Variants in RPUSD1 observed in about 807,000 individuals in gnomAD.
The protein encoded by RPUSD1 is RNA pseudouridine synthase domain containing 1, also known as pseudouridylate synthase RPUSD1.
RPUSD1 carries 28 observed loss-of-function variants against 22.4 expected under a neutral mutation model. The observed-to-expected ratio is 1.25, with a 90% CI of 0.93 to 1.72. RPUSD1 has a LOEUF of 1.72. RPUSD1 is among the 40% of genes most tolerant of loss of function. The pLI, the probability that RPUSD1 is intolerant of heterozygous loss-of-function variation, is 0.00. For synonymous variants in RPUSD1, 298 were observed against 201.0 expected (o/e 1.48, Z -4.08); for missense variants, 596 against 442.2 (o/e 1.35, Z -3.12).
At position 785,929 on chromosome 16, in the gene RPUSD1, C is replaced by G; in HGVS notation, c.*21G>C. On this transcript the variant is annotated 3_prime_UTR_variant, in exon 6 of 6. Coordinates refer to ENST00000007264, the MANE Select transcript of RPUSD1 (RefSeq NM_058192.3). ...GAGTCCCGCTGTGCAGCTGACACCC[C>G]CTGCCCCAGCCCCACGGCTCTCAGC... The G allele has an allele frequency of 2.1e-6, 3 of 1,428,142 alleles. No individual in the cohort carries two copies. The South Asian group carries it at 4.5e-5, about 22-fold the overall frequency. The allele number at this position is 1,428,142 out of a possible 1,614,324, so 88.5% of individuals were successfully genotyped here. A position where few individuals can be genotyped will look rare whatever the true frequency, so the allele number is the denominator to read the frequency against.
chr16:786,294 G>T lies in RPUSD1; in HGVS notation c.595C>A (p.Arg199=). The change falls in exon 6 of 6, where the codon CGG becomes AGG. Residue 199 remains arginine, a synonymous_variant. Transcript: ENST00000007264. ...ATCATTCTGAACGGCCGGTCCTCCC[G>T]GCCCGAGACTTCTCCGTAGGTCAGG... ...GDLTYGEVSG[R]EDRPFRMMLH... 3 of 1,612,738 alleles carry T rather than the reference G, an allele frequency of 1.9e-6. No individual in the cohort carries two copies. The South Asian group carries it at 3.3e-5, about 18-fold the overall frequency.
At chr16:786,766 G>A (rs755599266) in intron 5 of RPUSD1, 61 bp downstream of exon 5, 54 of 1,380,172 alleles carry the variant, frequency 3.9e-5, no homozygotes, top group South Asian at 2.0e-4. Context: ...CATAAGCTTC[G>A]TGGCCCTGTG....
In RPUSD1 at chr16:787,178, A is replaced by G. The variant is rs763656788; in HGVS notation, c.308T>C (p.Leu103Pro). 1.4e-5 allele frequency: 22 copies of G among 1,601,770 alleles called. No homozygotes were observed. Among genetic ancestry groups the G allele is most frequent in the Non-Finnish European group, 1.8e-5 (21 of 1,177,712 alleles). ...RRVTKAYLAL[L>P]RGHIQESRVT... ...CCGGCTCTCCTGGATGTGCCCCCGC[A>G]GCTGCAGGAGAGGGAGAATCGCACG... Residue 103 changes from leucine to proline, a missense_variant and splice_region_variant, in exon 4 of 6, where the codon CTG becomes CCG. Transcript: ENST00000007264.
Position 786,924 on chromosome 16 carries a change from A to G in RPUSD1, c.414T>C (p.Cys138=). ...HTMCIEGSQG[C]ENPKPSLTDL... is the part of the protein sequence containing the mutation. ...CTGTGAGGCTTGGCTTTGGGTTCTC[A>G]CAACCTGGGGCGCAGAAGGCAGGTG... Residue 138 remains cysteine (C), a synonymous_variant, in exon 5 of 6, where the codon TGT becomes TGC. Transcript: ENST00000007264. 1 of 1,612,706 alleles carries G rather than the reference A, an allele frequency of 6.2e-7. No individual in the cohort carries two copies.
chr16:787,887 CTCAGTCCCCGAGA>C (rs2042010404), intron 1 of RPUSD1, 143 bp from the exon 2 acceptor site: 2 of 752,272 alleles, frequency 2.7e-6, no homozygotes, highest in East Asian at 2.7e-5. Flanking sequence ...CACCTGCATC[CTCAGTCCCCGAGA>C]TCAGTCCCCA....
Position 786,845 on chromosome 16 carries a change from G to C in RPUSD1, c.493C>G (p.Leu165Val). The change falls in exon 5 of 6, where the codon CTG becomes GTG. Residue 165 changes from leucine to valine, a missense_variant. Leu to Val is a conservative substitution (Grantham distance 32, BLOSUM62 1). Coordinates refer to ENST00000007264, the MANE Select transcript of RPUSD1 (RefSeq NM_058192.3). ...LYAGDPVSKV[L>V]LKPLTGRTHQ... ...GACACACCCGTGAGCGGCTTCAGCA[G>C]CACTTTGGAGACAGGATCGCCTGCG... is the stretch of plus-strand genomic sequence containing the variant. 1.2e-6 allele frequency: 2 copies of C among 1,613,062 alleles called. No homozygotes were observed. Among genetic ancestry groups the C allele is most frequent in the Non-Finnish European group, 1.7e-6 (2 of 1,179,834 alleles).
Position 786,833 on chromosome 16 carries a change from G to A in RPUSD1, c.505C>T (p.Leu169Phe). 6.2e-7 allele frequency: 1 copy of A among 1,612,730 alleles called. No homozygotes were observed. The highest frequency in any genetic ancestry group is 8.5e-7 in the Non-Finnish European group (1 of 1,179,566). ...CCGCCCACCCCAGACACACCCGTGAGCGGCTTCAGCAGCACTTTGGAGACA... is the reference window on the plus strand; with the variant it reads ...CCGCCCACCCCAGACACACCCGTGAACGGCTTCAGCAGCACTTTGGAGACA... The part of the protein sequence containing the change: ...DPVSKVLLKP[L>F]TGRTHQLRVH... Residue 169 changes from leucine (L) to phenylalanine (F), a missense_variant, in exon 5 of 6, where the codon CTC (leucine) becomes TTC (phenylalanine). By Grantham distance (22) the Leu-to-Phe change is conservative (BLOSUM62 0). Transcript: ENST00000007264.
rs1293106093 is a variant in RPUSD1, at chr16:786,945, AG to A, written c.410-18del. ...TCTCACAACCTGGGGCGCAGAAGGCAGGTGTGAGGTTAGTGGGACTGACCCG... is the reference window on the plus strand; with the variant it reads ...TCTCACAACCTGGGGCGCAGAAGGCAGTGTGAGGTTAGTGGGACTGACCCG... On this transcript the variant is annotated intron_variant, in intron 4 of 5. Transcript: ENST00000007264. The A allele has an allele frequency of 3.1e-6, 5 of 1,610,308 alleles. No homozygotes were observed. The East Asian group carries it at 1.1e-4, about 36-fold the overall frequency.
intron 5 of RPUSD1, 80 bp downstream of exon 5, chr16:786,747 G>T: frequency 8.7e-7 from 1 of 1,145,322 alleles, no homozygotes; most frequent in Non-Finnish European, 1.3e-6. Flanking sequence ...GATGCTCAGG[G>T]TGGCCCAACA....
At chr16:786,608 G>A (rs533278300) in intron 5 of RPUSD1, 6 of 737,042 alleles carry the variant, frequency 8.1e-6, no homozygotes, top group Admixed American at 4.0e-5. Context: ...CGGTCCTGGA[G>A]AATCTAGGCC....
Position 787,622 on chromosome 16 carries a change from G to A in RPUSD1, c.116C>T (p.Thr39Ile), listed in dbSNP as rs764397688. 6 of 1,611,902 alleles carry A rather than the reference G, an allele frequency of 3.7e-6. No homozygotes were observed. The Admixed American group carries it at 5.0e-5, about 13-fold the overall frequency. Residue 39 changes from threonine (T) to isoleucine (I), a missense_variant, in exon 2 of 6, where the codon ACC becomes ATC. Physicochemically the swap from Thr to Ile is moderately conservative, Grantham distance 89. Transcript: ENST00000007264. ...GCGGTACCGCAGCTGCTTCTGCAGG[G>A]TCAGAGTCTCCCGCCACGCCTTGCT... ...IDSKAWRETL[T>I]LQKQLRYRFP...
In RPUSD1 at chr16:786,030, T is replaced by G. The variant is rs759669679; in HGVS notation, c.859A>C (p.Thr287Pro). 6.7e-7 allele frequency: 1 copy of G among 1,499,932 alleles called. No individual in the cohort carries two copies. The highest frequency in any genetic ancestry group is 2.3e-5 in the East Asian group (1 of 42,790). The allele number at this position is 1,499,932 out of a possible 1,614,324, so 92.9% of individuals were successfully genotyped here. Residue 287 changes from threonine (T) to proline (P), a missense_variant, in exon 6 of 6, where the codon ACC (threonine) becomes CCC (proline). Physicochemically the swap from Thr to Pro is conservative, Grantham distance 38. Transcript: ENST00000007264. ...PGPGRPPPPP[T>P]KPPETEAQRG... ...TGTGCCTCAGTCTCAGGGGGCTTGG[T>G]TGGGGGTGGAGGAGGCCGGCCGGGC...
intron 4 of RPUSD1, 48 bp from the exon 5 acceptor site, chr16:786,976 C>T: frequency 2.6e-6 from 4 of 1,567,096 alleles, no homozygotes; most frequent in Non-Finnish European, 3.5e-6. Flanking sequence ...GACCCGGGGC[C>T]CAGGCCCACC....
In RPUSD1 at chr16:787,175, C is replaced by T. The variant is rs140807959; in HGVS notation, c.311G>A (p.Arg104Gln). 381 of 1,603,062 alleles carry T rather than the reference C, an allele frequency of 2.4e-4. No homozygotes were observed. The highest frequency in any genetic ancestry group is 8.5e-4 in the Admixed American group (51 of 59,772). The part of the protein sequence containing the change: ...RVTKAYLALL[R>Q]GHIQESRVTI... ...TACCCGGCTCTCCTGGATGTGCCCCCGCAGCTGCAGGAGAGGGAGAATCGC... is the reference window on the plus strand; with the variant it reads ...TACCCGGCTCTCCTGGATGTGCCCCTGCAGCTGCAGGAGAGGGAGAATCGC... The change falls in exon 4 of 6, where the codon CGG (arginine) becomes CAG (glutamine). Residue 104 changes from arginine (R) to glutamine (Q), a missense_variant. Arg to Gln is a conservative substitution (Grantham distance 43). Coordinates refer to ENST00000007264, the MANE Select transcript of RPUSD1 (RefSeq NM_058192.3).
At chr16:786,651 G>A (rs896748343) in intron 5 of RPUSD1, 176 bp downstream of exon 5, 16 of 743,118 alleles carry the variant, frequency 2.2e-5, no homozygotes, top group Non-Finnish European at 3.1e-5. Flanking sequence ...TCAGGAGCCA[G>A]CAGGGACCCT....
intron 1 of RPUSD1, 38 bp downstream of exon 1, chr16:788,218 C>A: frequency 2.5e-6 from 1 of 395,358 alleles, no homozygotes; most frequent in Non-Finnish European, 4.9e-6. Flanking sequence ...ACCCTGGCTC[C>A]GAGCCCCTCC....
In RPUSD1 at chr16:787,165, G is replaced by A. The variant is rs147258661; in HGVS notation, c.321C>T (p.Ile107=). The A allele has an allele frequency of 2.5e-6, 4 of 1,605,544 alleles. No individual in the cohort carries two copies. Among genetic ancestry groups the A allele is most frequent in the Non-Finnish European group, 2.5e-6 (3 of 1,179,080 alleles). ...KAYLALLRGH[I]QESRVTISHA... Reference sequence around the variant, plus strand: ...GGCTGATGGTTACCCGGCTCTCCTGGATGTGCCCCCGCAGCTGCAGGAGAG... The same window carrying A: ...GGCTGATGGTTACCCGGCTCTCCTGAATGTGCCCCCGCAGCTGCAGGAGAG... The change falls in exon 4 of 6, where the codon ATC becomes ATT. Residue 107 remains isoleucine, a synonymous_variant. Transcript: ENST00000007264.
At chr16:786,510 G>C (rs2041918898) in intron 5 of RPUSD1, 133 bp from the exon 6 acceptor site, 2 of 854,864 alleles carry the variant, frequency 2.3e-6, no homozygotes, top group African/African-American at 4.1e-5. Flanking sequence ...AACTCTCCCT[G>C]TCCCCTGCCA....
Position 786,308 on chromosome 16 carries a change from C to T in RPUSD1, c.581G>A (p.Gly194Glu). 1 of 1,612,676 alleles carries T rather than the reference C, an allele frequency of 6.2e-7. No individual in the cohort carries two copies. The change falls in exon 6 of 6, where the codon GGA (glycine) becomes GAA (glutamate). Residue 194 changes from glycine (G) to glutamate (E), a missense_variant. Physicochemically the swap from Gly to Glu is moderately conservative, Grantham distance 98. Coordinates refer to ENST00000007264, the MANE Select transcript of RPUSD1 (RefSeq NM_058192.3). ...GHPVVGDLTY[G>E]EVSGREDRPF... is the part of the protein sequence containing the mutation. Reference sequence around the variant, plus strand: ...CCGGTCCTCCCGGCCCGAGACTTCTCCGTAGGTCAGGTCGCCCACCACGGG... The same window carrying T: ...CCGGTCCTCCCGGCCCGAGACTTCTTCGTAGGTCAGGTCGCCCACCACGGG...
Sources: gnomAD v4.1 joint callset for allele counts on GRCh38, gnomAD v4.1.1 for gene constraint, MANE v1.5 for transcripts, NCBI Gene and HGNC (gene_info 2026-07-23, HGNC 2026-07-21) for gene names.